ANP32A: variants seen among roughly 807,000 people sequenced by gnomAD.
ANP32A encodes the protein acidic nuclear phosphoprotein 32 family member A, also known as acidic leucine-rich nuclear phosphoprotein 32 family member A.
A neutral mutation model predicts 33.9 loss-of-function variants in ANP32A; 1 was observed. That is an observed-to-expected ratio of 0.03 (90% confidence interval 0.01 to 0.14). The LOEUF (loss-of-function observed/expected upper bound fraction) is 0.14. ANP32A is among the 10% of genes least tolerant of loss of function. ANP32A has a pLI of 1.00. For synonymous variants in ANP32A, 115 were observed against 120.5 expected (o/e 0.95, Z 0.30); for missense variants, 155 against 306.0 (o/e 0.51, Z 3.68).
At chr15:68,785,619 G>A (rs1893921924) in intron 3 of ANP32A, among the ~76,000 whole-genome samples, 10 of 152,182 alleles carry the variant, frequency 6.6e-5, no homozygotes, top group Admixed American at 6.5e-4. Context: ...AGTGGTCTGT[G>A]TGGGCAAGCC....
intron 1 of ANP32A, chr15:68,813,084 G>A (rs553559522): frequency 6.6e-6 from 1 of 152,212 alleles, no homozygotes; most frequent in Non-Finnish European, 1.5e-5. Flanking sequence ...AATAACAGTG[G>A]AGTAGTAAGT....
chr15:68,812,421 GA>G (rs1894325672), intron 1 of ANP32A, among the ~76,000 whole-genome samples: 1 of 152,206 alleles, frequency 6.6e-6, no homozygotes, highest in Non-Finnish European at 1.5e-5. Context: ...AGGAACGTTG[GA>G]AGGCACCCGT....
chr15:68,798,885 C>T (rs1029663534), intron 1 of ANP32A, among the ~76,000 whole-genome samples: 3 of 152,326 alleles, frequency 2.0e-5, no homozygotes, highest in South Asian at 2.1e-4. Context: ...GCAGAGCAAA[C>T]GCCGCCTCGG....
chr15:68,800,921 T>C (rs1189086205), intron 1 of ANP32A, among the ~76,000 whole-genome samples: 1 of 151,668 alleles, frequency 6.6e-6, no homozygotes, highest in Non-Finnish European at 1.5e-5. Context: ...AGGGCAAAGA[T>C]CCTGAGTGGG....
chr15:68,808,629 A>G (rs1894271112), intron 1 of ANP32A, among the ~76,000 whole-genome samples: 1 of 152,200 alleles, frequency 6.6e-6, no homozygotes, highest in African/African-American at 2.4e-5. Context: ...CATGAAGCCA[A>G]TGGCTAAGGT....
At chr15:68,800,202 T>C (rs1393667430) in intron 1 of ANP32A, among the ~76,000 whole-genome samples, 1 of 152,160 alleles carries the variant, frequency 6.6e-6, no homozygotes, top group Non-Finnish European at 1.5e-5. Flanking sequence ...TAAAATGCTA[T>C]GATTTGATTC....
At chr15:68,804,639 C>T (rs902482595) in intron 1 of ANP32A, among the ~76,000 whole-genome samples, 1 of 152,164 alleles carries the variant, frequency 6.6e-6, no homozygotes, top group Non-Finnish European at 1.5e-5. Flanking sequence ...CCTCAGCCTC[C>T]TGAGTAGCTG....
Position 68,820,876 on chromosome 15 carries a change from C to G in ANP32A, c.-125G>C. The stretch of plus-strand genomic sequence containing the variant: ...CAGCTCCGCTCGGTTCTCGAGCCCC[C>G]AGCACCCGCGGCGCACACTAACCTG... On this transcript the variant is annotated 5_prime_UTR_variant, in exon 1 of 7. Coordinates refer to ENST00000465139, the MANE Select transcript of ANP32A (RefSeq NM_006305.4). The G allele has an allele frequency of 8.5e-7, 1 of 1,169,692 alleles. No individual in the cohort carries two copies. Among genetic ancestry groups the G allele is most frequent in the Non-Finnish European group, 1.2e-6 (1 of 808,068 alleles). 72.5% of individuals were successfully genotyped at this position (1,169,692 alleles called of 1,614,324 possible). A position where few individuals can be genotyped will look rare whatever the true frequency, so the allele number is the denominator to read the frequency against.
intron 1 of ANP32A, among the ~76,000 whole-genome samples, chr15:68,813,326 G>A (rs1490690256): frequency 6.6e-6 from 1 of 152,176 alleles, no homozygotes; most frequent in African/African-American, 2.4e-5. Flanking sequence ...AGACAAGGAG[G>A]CTGCTTCCAT....
At chr15:68,805,266 C>T (rs772308953) in intron 1 of ANP32A, among the ~76,000 whole-genome samples, 3 of 152,214 alleles carry the variant, frequency 2.0e-5, no homozygotes, top group African/African-American at 4.8e-5. Flanking sequence ...CTGACAGTGA[C>T]GGCAGCTGGT....
intron 1 of ANP32A, among the ~76,000 whole-genome samples, chr15:68,792,624 C>T (rs1894012213): frequency 6.6e-6 from 1 of 152,200 alleles, no homozygotes; most frequent in African/African-American, 2.4e-5. Flanking sequence ...TTTGGCCTTT[C>T]CCCTCTGTTC....
intron 1 of ANP32A, among the ~76,000 whole-genome samples, chr15:68,813,887 T>TTTG (rs71147572): frequency 6.6e-6 from 1 of 150,592 alleles, no homozygotes; most frequent in African/African-American, 2.4e-5. Flanking sequence ...TTTTTTTTTT[T>TTTG]GAGACGGAGT....
intron 1 of ANP32A, among the ~76,000 whole-genome samples, chr15:68,819,676 G>A (rs562541295): frequency 2.8e-4 from 42 of 152,358 alleles, no homozygotes; most frequent in African/African-American, 1.0e-3. Context: ...CGGGCCGGGG[G>A]TTCGAGCTGG....
chr15:68,806,674 G>A (rs1365318606), intron 1 of ANP32A, among the ~76,000 whole-genome samples: 1 of 152,258 alleles, frequency 6.6e-6, no homozygotes, highest in African/African-American at 2.4e-5. Context: ...TCTGCAGATA[G>A]GCTTCATCAG....
chr15:68,803,751 T>G (rs2140368561), intron 1 of ANP32A, among the ~76,000 whole-genome samples: 1 of 151,900 alleles, frequency 6.6e-6, no homozygotes, highest in South Asian at 2.1e-4. Context: ...ACAAAAATCA[T>G]TAAATCTCAC....
At chr15:68,814,806 A>G (rs1397806598) in intron 1 of ANP32A, among the ~76,000 whole-genome samples, 1 of 152,226 alleles carries the variant, frequency 6.6e-6, no homozygotes, top group Non-Finnish European at 1.5e-5. Context: ...GTCATTTTCA[A>G]AGATCTGGGC....
intron 1 of ANP32A, among the ~76,000 whole-genome samples, chr15:68,798,350 G>T (rs1381042098): frequency 2.0e-5 from 3 of 152,174 alleles, no homozygotes; most frequent in Non-Finnish European, 4.4e-5. Context: ...AAGAAAACAT[G>T]CCAATCAGAC....
chr15:68,782,263 AC>A (rs1271339196), intron 5 of ANP32A, among the ~76,000 whole-genome samples: 1 of 152,148 alleles, frequency 6.6e-6, no homozygotes, highest in African/African-American at 2.4e-5. Context: ...TCAGACACTT[AC>A]CCCTTGTCAG....
At chr15:68,800,754 A>AAAAAAAAAG (rs769179889) in intron 1 of ANP32A, among the ~76,000 whole-genome samples, 18 of 149,452 alleles carry the variant, frequency 1.2e-4, no homozygotes, top group East Asian at 4.0e-4. Context: ...AAAAAAAAAA[A>AAAAAAAAAG]AAAGAAAGAA....
Sources: gnomAD v4.1 joint callset for allele counts (sites outside exome capture counted in the v4.1 genomes callset) on GRCh38, gnomAD v4.1.1 for gene constraint, MANE v1.5 for transcripts, NCBI Gene and HGNC (gene_info 2026-07-23, HGNC 2026-07-21) for gene names.